Variants in GRIA1 observed in about 807,000 individuals in gnomAD.
GRIA1 encodes glutamate ionotropic receptor AMPA type subunit 1.
In GRIA1, 31 loss-of-function variants were observed where a neutral mutation model predicts 99.2. That is an observed-to-expected ratio of 0.31 (90% CI 0.23 to 0.42). The LOEUF is 0.42. Among genes scored for constraint, GRIA1 ranks in the 10% least tolerant of loss-of-function variants. GRIA1 has a pLI of 1.00. For synonymous variants in GRIA1, 438 were observed against 432.4 expected, an observed-to-expected ratio of 1.01 and a Z score of -0.16; for missense variants, 782 against 1,157.5, an observed-to-expected ratio of 0.68 and a Z score of 4.71.
At chr5:153,720,151 A>G (rs916333799) in intron 11 of GRIA1, among the ~76,000 whole-genome samples, 3 of 152,234 alleles carry the variant, frequency 2.0e-5, no homozygotes, top group African/African-American at 7.2e-5. Context: ...TACTTTGGGA[A>G]ACTAAGGTTG....
At chr5:153,535,173 C>T (rs1159662197) in intron 2 of GRIA1, among the ~76,000 whole-genome samples, 4 of 152,238 alleles carry the variant, frequency 2.6e-5, no homozygotes, top group East Asian at 3.9e-4. Flanking sequence ...CTGCCCGTCT[C>T]GGCCTCCCAA....
chr5:153,770,514 A>C, intron 13 of GRIA1, 99 bp downstream of exon 13: 2 of 1,174,676 alleles, frequency 1.7e-6, no homozygotes, highest in South Asian at 2.8e-5. Context: ...GCCACAATGC[A>C]AGCTGTTGAG....
chr5:153,690,238 G>A (rs939160460), intron 8 of GRIA1, among the ~76,000 whole-genome samples: 1 of 151,204 alleles, frequency 6.6e-6, no homozygotes. Flanking sequence ...GAAAGAAGAT[G>A]GAAGTAAAAG....
chr5:153,565,254 A>G (rs1373099326), intron 2 of GRIA1, among the ~76,000 whole-genome samples: 30 of 152,200 alleles, frequency 2.0e-4, no homozygotes, highest in Admixed American at 1.6e-3. Context: ...TTCTTATCAC[A>G]TTATCTAACA....
At chr5:153,526,017 T>A (rs1269738092) in intron 2 of GRIA1, among the ~76,000 whole-genome samples, 1 of 152,244 alleles carries the variant, frequency 6.6e-6, no homozygotes, top group Non-Finnish European at 1.5e-5. Context: ...CTGTGGAAAT[T>A]AAACAGAGTC....
intron 2 of GRIA1, among the ~76,000 whole-genome samples, chr5:153,588,520 T>C (rs1468548004): frequency 6.6e-6 from 1 of 152,212 alleles, no homozygotes; most frequent in Non-Finnish European, 1.5e-5. Flanking sequence ...TGTTAGAACA[T>C]AGTGACAGAA....
At chr5:153,762,390 C>T (rs988900465) in intron 11 of GRIA1, among the ~76,000 whole-genome samples, 4 of 152,146 alleles carry the variant, frequency 2.6e-5, no homozygotes, top group African/African-American at 9.7e-5. Flanking sequence ...GCTGCTGCAG[C>T]TTCAAATGAC....
At chr5:153,536,862 T>C (rs1758620362) in intron 2 of GRIA1, among the ~76,000 whole-genome samples, 1 of 152,194 alleles carries the variant, frequency 6.6e-6, no homozygotes, top group Admixed American at 6.5e-5. Flanking sequence ...GCCAGTGCCT[T>C]CGTTGAGACA....
intron 2 of GRIA1, among the ~76,000 whole-genome samples, chr5:153,500,294 G>T (rs751158369): frequency 6.7e-6 from 1 of 149,382 alleles, no homozygotes; most frequent in East Asian, 2.0e-4. Flanking sequence ...TCATTCATCC[G>T]AAACCCTTTT....
chr5:153,639,474 A>G (rs1267528248), intron 2 of GRIA1, among the ~76,000 whole-genome samples: 1 of 151,966 alleles, frequency 6.6e-6, no homozygotes, highest in African/African-American at 2.4e-5. Flanking sequence ...TCTGCCTGAG[A>G]CTGCTTCTTT....
At chr5:153,650,078 A>G (rs1052710182) in intron 3 of GRIA1, among the ~76,000 whole-genome samples, 7 of 152,366 alleles carry the variant, frequency 4.6e-5, no homozygotes, top group African/African-American at 1.7e-4. Flanking sequence ...ATGAGCCTGC[A>G]CAAGGCCATT....
intron 2 of GRIA1, among the ~76,000 whole-genome samples, chr5:153,570,997 G>T (rs529785273): frequency 3.0e-4 from 45 of 152,240 alleles, no homozygotes; most frequent in Admixed American, 2.6e-3. Context: ...GGAAAGAAAT[G>T]CAGGATGGAG....
intron 2 of GRIA1, among the ~76,000 whole-genome samples, chr5:153,557,111 C>T (rs186279978): frequency 2.4e-4 from 36 of 152,192 alleles, no homozygotes; most frequent in African/African-American, 8.7e-4. Context: ...AGGCACTTAC[C>T]ATGAATGGAG....
intron 2 of GRIA1, among the ~76,000 whole-genome samples, chr5:153,627,200 T>A (rs1767712780): frequency 1.3e-5 from 2 of 152,150 alleles, no homozygotes; most frequent in South Asian, 4.1e-4. Flanking sequence ...ACAGAAACAA[T>A]AGTAGTCATT....
chr5:153,744,733 G>A (rs1002984517), intron 11 of GRIA1, among the ~76,000 whole-genome samples: 1 of 152,086 alleles, frequency 6.6e-6, no homozygotes, highest in African/African-American at 2.4e-5. Flanking sequence ...TAGAGTGAGA[G>A]TTTCACATTC....
chr5:153,496,000 T>G (rs1289448753), intron 2 of GRIA1, among the ~76,000 whole-genome samples: 1 of 152,222 alleles, frequency 6.6e-6, no homozygotes, highest in Non-Finnish European at 1.5e-5. Flanking sequence ...AGCTGGTGTG[T>G]GTATTCACTC....
intron 8 of GRIA1, among the ~76,000 whole-genome samples, chr5:153,693,545 T>C (rs1292453119): frequency 6.6e-6 from 1 of 152,210 alleles, no homozygotes; most frequent in Non-Finnish European, 1.5e-5. Context: ...TATAGATCAA[T>C]TGAATTTTCA....
At chr5:153,771,275 T>C (rs1763866249) in intron 13 of GRIA1, among the ~76,000 whole-genome samples, 1 of 152,178 alleles carries the variant, frequency 6.6e-6, no homozygotes, top group African/African-American at 2.4e-5. Flanking sequence ...AGACATTATG[T>C]CAATTACAGA....
chr5:153,732,370 C>T (rs1351028559), intron 11 of GRIA1, among the ~76,000 whole-genome samples: 1 of 152,126 alleles, frequency 6.6e-6, no homozygotes, highest in Non-Finnish European at 1.5e-5. Flanking sequence ...GTTTTCTTCA[C>T]ATCCTCACCA....
Sources: gnomAD v4.1 joint callset for allele counts (sites outside exome capture counted in the v4.1 genomes callset) on GRCh38, gnomAD v4.1.1 for gene constraint, MANE v1.5 for transcripts, NCBI Gene and HGNC (gene_info 2026-07-23, HGNC 2026-07-21) for gene names.